Variants in IL1RAPL2 observed in about 807,000 individuals in gnomAD.
IL1RAPL2 encodes the protein X-linked interleukin-1 receptor accessory protein-like 2.
Under a neutral mutation model 44.1 loss-of-function variants are expected in IL1RAPL2, and 3 were observed. That is an observed-to-expected ratio of 0.07 (90% CI 0.03 to 0.18). IL1RAPL2 has a LOEUF of 0.18. Among genes scored for constraint, IL1RAPL2 ranks in the 10% least tolerant of loss-of-function variants. The probability of loss-of-function intolerance (pLI) is 1.00; values close to 1 mark genes in which losing one functional copy is unlikely to be tolerated. For synonymous variants in IL1RAPL2, 181 were observed against 178.8 expected, an observed-to-expected ratio of 1.01 and a Z score of -0.10; for missense variants, 391 against 496.4, an observed-to-expected ratio of 0.79 and a Z score of 2.02.
At chrX:105,072,081 G>T (rs1263824429) in intron 2 of IL1RAPL2, among the ~76,000 whole-genome samples, 1 of 111,033 alleles carries the variant, frequency 9.0e-6, no homozygotes, top group Non-Finnish European at 1.9e-5. Flanking sequence ...GGAGGGACTG[G>T]GTGGGAGGTG....
At chrX:105,493,344 T>C (rs1602436908) in intron 6 of IL1RAPL2, among the ~76,000 whole-genome samples, 2 of 112,091 alleles carry the variant, frequency 1.8e-5, no homozygotes, top group South Asian at 7.4e-4. Context: ...ACTATCAGAC[T>C]GCTTTCCAAA....
chrX:104,581,307 T>C (rs1403460783), intron 1 of IL1RAPL2, among the ~76,000 whole-genome samples: 1 of 112,131 alleles, frequency 8.9e-6, no homozygotes, highest in Non-Finnish European at 1.9e-5. Context: ...TTCACTGTTG[T>C]ATTGTGTGGG....
chrX:105,272,356 A>T (rs111378814), intron 5 of IL1RAPL2, among the ~76,000 whole-genome samples: 7,315 of 112,034 alleles, frequency 0.065, 570 homozygotes, highest in African/African-American at 0.22. Flanking sequence ...GGAAGCCAGA[A>T]CTAATTATCT....
In IL1RAPL2 at chrX:104,946,402, A is replaced by AAAAAAAAAC. The variant is rs1556018731; in HGVS notation, c.83-249066_83-249065insACAAAAAAA. The stretch of plus-strand genomic sequence containing the variant: ...CTCAAAAAAAAAAAAAAAAAAAAAA[A>AAAAAAAAAC]AAAAAAACTTTTTAAAAAAATTATT... On this transcript the variant is annotated intron_variant, in intron 2 of 10. Transcript: ENST00000372582. 6.1e-4 allele frequency among the ~76,000 whole-genome samples: 58 copies of AAAAAAAAAC among 95,668 alleles called. 1 individual carries two copies. Among genetic ancestry groups the AAAAAAAAAC allele is most frequent in the Non-Finnish European group, 1.1e-3 (54 of 47,689 alleles). The allele number at this position is 95,668 out of a possible 115,157, so 83.1% of individuals were successfully genotyped here. A position where few individuals can be genotyped will look rare whatever the true frequency, so the allele number is the denominator to read the frequency against.
intron 2 of IL1RAPL2, among the ~76,000 whole-genome samples, chrX:104,700,797 T>C (rs904011829): frequency 1.1e-4 from 12 of 111,575 alleles, no homozygotes; most frequent in Non-Finnish European, 1.7e-4. Flanking sequence ...TTTACTATAA[T>C]ACCATAGTCA....
chrX:104,865,994 C>A (rs1178118632), intron 2 of IL1RAPL2, among the ~76,000 whole-genome samples: 1 of 112,291 alleles, frequency 8.9e-6, no homozygotes, highest in African/African-American at 3.2e-5. Context: ...TTTAGAGAAC[C>A]CTGAGTAATA....
chrX:105,666,051 C>T (rs2037764523), intron 6 of IL1RAPL2, among the ~76,000 whole-genome samples: 1 of 104,586 alleles, frequency 9.6e-6, no homozygotes, highest in Non-Finnish European at 1.9e-5. Flanking sequence ...CGTGAGCCAC[C>T]GCGCCCGGCC....
chrX:105,449,258 T>TA lies in IL1RAPL2; in HGVS notation c.698-35054dup, dbSNP rs753663639. On this transcript the variant is annotated intron_variant, in intron 5 of 10. Transcript: ENST00000372582. Reference sequence around the variant, plus strand: ...AATGGCACTGTGGTTTGTGCAGACTTACAGAGGTACTGCTTTGGTGGTCTT... The same window carrying TA: ...AATGGCACTGTGGTTTGTGCAGACTTAACAGAGGTACTGCTTTGGTGGTCTT... Among the ~76,000 whole-genome samples, 10 of 111,346 alleles carry TA rather than the reference T, an allele frequency of 9.0e-5. No individual in the cohort carries two copies. In the East Asian group the frequency reaches 1.4e-3, roughly 16 times the overall value.
At chrX:105,463,919 G>A (rs1388566825) in intron 5 of IL1RAPL2, among the ~76,000 whole-genome samples, 1 of 112,021 alleles carries the variant, frequency 8.9e-6, no homozygotes, top group Non-Finnish European at 1.9e-5. Flanking sequence ...AAGTATTTCT[G>A]GCTTCTGCCA....
chrX:104,728,941 C>T (rs1413792519), intron 2 of IL1RAPL2, among the ~76,000 whole-genome samples: 3 of 111,769 alleles, frequency 2.7e-5, no homozygotes, highest in African/African-American at 9.7e-5. Flanking sequence ...ATCAGAATTA[C>T]ATTTTCTCTA....
intron 5 of IL1RAPL2, among the ~76,000 whole-genome samples, chrX:105,461,347 A>G (rs1457438231): frequency 2.7e-5 from 3 of 111,432 alleles, no homozygotes; most frequent in Non-Finnish European, 3.8e-5. Context: ...GACTTGGGCA[A>G]GAGGAAGCTA....
At chrX:104,831,445 T>C (rs762661867) in intron 2 of IL1RAPL2, among the ~76,000 whole-genome samples, 1 of 111,793 alleles carries the variant, frequency 8.9e-6, no homozygotes, top group Non-Finnish European at 1.9e-5. Context: ...ATGATTTCCA[T>C]TTTACAGATA....
At chrX:105,756,189 A>T in intron 10 of IL1RAPL2, among the ~76,000 whole-genome samples, 1 of 112,401 alleles carries the variant, frequency 8.9e-6, no homozygotes, top group Non-Finnish European at 1.9e-5. Context: ...TCAACATGTG[A>T]TAATAACAAA....
chrX:105,138,473 C>CAAAAAAAAAAA (rs371757842), intron 2 of IL1RAPL2, among the ~76,000 whole-genome samples: 1 of 54,481 alleles, frequency 1.8e-5, no homozygotes, highest in Non-Finnish European at 3.4e-5. Flanking sequence ...ATATAATTAC[C>CAAAAAAAAAAA]AAAAAAAAAA....
chrX:104,901,508 A>G (rs1313657478), intron 2 of IL1RAPL2, among the ~76,000 whole-genome samples: 47 of 109,594 alleles, frequency 4.3e-4, no homozygotes, highest in Non-Finnish European at 2.5e-4. Flanking sequence ...ACCGCACCCT[A>G]CCGAGTTGGT....
chrX:105,117,809 G>A (rs1191771261), intron 2 of IL1RAPL2, among the ~76,000 whole-genome samples: 1 of 111,456 alleles, frequency 9.0e-6, no homozygotes, highest in Admixed American at 9.5e-5. Flanking sequence ...CCAATCTCAG[G>A]TATTTCTCCA....
At chrX:105,631,918 G>A (rs186934650) in intron 6 of IL1RAPL2, among the ~76,000 whole-genome samples, 1 of 111,073 alleles carries the variant, frequency 9.0e-6, no homozygotes, top group East Asian at 2.9e-4. Context: ...CAAAGTTTAG[G>A]TCCCCAGAAC....
intron 6 of IL1RAPL2, among the ~76,000 whole-genome samples, chrX:105,510,804 T>C (rs2036464066): frequency 9.0e-6 from 1 of 111,548 alleles, no homozygotes; most frequent in East Asian, 2.8e-4. Context: ...AAACAGATTG[T>C]TACCTAGAGT....
chrX:105,092,448 T>A (rs2032555361), intron 2 of IL1RAPL2, among the ~76,000 whole-genome samples: 1 of 111,606 alleles, frequency 9.0e-6, no homozygotes, highest in East Asian at 2.8e-4. Flanking sequence ...AGTCAGGACA[T>A]GTTACTCTCC....
Sources: allele counts gnomAD v4.1 joint callset (sites outside exome capture counted in the v4.1 genomes callset), GRCh38; gene constraint gnomAD v4.1.1; transcripts MANE v1.5; gene names NCBI Gene and HGNC (gene_info 2026-07-23, HGNC 2026-07-21).